The following KANK1 variants were observed in gnomAD, a reference collection of about 807,000 sequenced individuals.
KANK1 encodes the protein KN motif and ankyrin repeat domains 1.
KANK1 carries 109 observed loss-of-function variants against 106.2 expected under a neutral mutation model. The observed-to-expected ratio is 1.03, with a 90% confidence interval of 0.88 to 1.20. The LOEUF is 1.20. KANK1 is among the 50% of genes most tolerant of loss of function. The probability of loss-of-function intolerance (pLI) is 0.00; values close to 1 mark genes in which losing one functional copy is unlikely to be tolerated. For synonymous variants in KANK1, 873 were observed against 652.2 expected (o/e 1.34, Z -5.16); for missense variants, 2,399 against 1,710.7 (o/e 1.40, Z -7.10).
At chr9:487,846 C>G (rs950738121) in intron 3 of KANK1, 23 of 152,168 alleles carry the variant, frequency 1.5e-4, no homozygotes, top group African/African-American at 5.3e-4. Context: ...TCAGTGATCT[C>G]TTATTGCAGA....
chr9:705,629 C>T (rs532383203), intron 2 of KANK1, among the ~76,000 whole-genome samples: 14 of 151,412 alleles, frequency 9.2e-5, no homozygotes, highest in Non-Finnish European at 1.5e-4. Flanking sequence ...TGAAGTTTTG[C>T]TCTTGTTGCC....
chr9:516,139 A>G (rs1029640801), intron 1 of KANK1, among the ~76,000 whole-genome samples: 14 of 151,498 alleles, frequency 9.2e-5, no homozygotes, highest in Admixed American at 6.6e-5. Context: ...TAAGGTACTT[A>G]CAGGTGTTGT....
rs780453269 is a variant in KANK1 at position 730,203 on chromosome 9, TCTCCAGTG to T, written c.2852_2859del (p.Ser951Ter). On this transcript the variant is annotated frameshift_variant, in exon 4 of 12. Transcript: ENST00000382297. LOFTEE classifies it high-confidence loss of function. ...CTTCCCCACTCAGGAAGGTACGCTG[TCTCCAGTG>T]AACCTGACAGACGACCAGATCGCCG... is the stretch of plus-strand genomic sequence containing the variant. 2.5e-6 allele frequency: 4 copies of T among 1,614,148 alleles called. No individual in the cohort carries two copies. The Admixed American group carries it at 5.0e-5, about 20-fold the overall frequency.
At chr9:725,045 T>C (rs557130125) in intron 3 of KANK1, among the ~76,000 whole-genome samples, 17 of 152,246 alleles carry the variant, frequency 1.1e-4, no homozygotes, top group Admixed American at 6.5e-4. Flanking sequence ...GTATTGTGTG[T>C]ATGTGTGTTG....
intron 2 of KANK1, among the ~76,000 whole-genome samples, chr9:680,585 C>G (rs10975803): frequency 6.6e-6 from 1 of 152,078 alleles, no homozygotes; most frequent in Non-Finnish European, 1.5e-5. Flanking sequence ...GCACCTACTA[C>G]GTGCTGTTTT....
At chr9:555,659 C>T (rs1465864710) in intron 1 of KANK1, among the ~76,000 whole-genome samples, 1 of 152,114 alleles carries the variant, frequency 6.6e-6, no homozygotes, top group African/African-American at 2.4e-5. Context: ...GAGATGAAAT[C>T]ACAGAGGTTG....
chr9:524,559 C>G (rs1029340921), intron 1 of KANK1, among the ~76,000 whole-genome samples: 1 of 151,632 alleles, frequency 6.6e-6, no homozygotes, highest in Admixed American at 6.6e-5. Flanking sequence ...GGCCTGTCAC[C>G]CAGGCTGAAG....
At chr9:563,761 A>G (rs940875292) in intron 1 of KANK1, among the ~76,000 whole-genome samples, 1 of 152,144 alleles carries the variant, frequency 6.6e-6, no homozygotes, top group Non-Finnish European at 1.5e-5. Context: ...TGGTTCAGAA[A>G]TGTTTAGGGA....
chr9:558,370 C>G (rs752544431), intron 1 of KANK1, among the ~76,000 whole-genome samples: 1 of 152,200 alleles, frequency 6.6e-6, no homozygotes, highest in African/African-American at 2.4e-5. Context: ...AGCCATTGCT[C>G]CTAGGGGAAC....
At chr9:690,133 C>CAAAAAAACAAAA (rs1819532609) in intron 2 of KANK1, among the ~76,000 whole-genome samples, 1 of 61,644 alleles carries the variant, frequency 1.6e-5, no homozygotes, top group Non-Finnish European at 2.7e-5. Context: ...TCTAAAAATA[C>CAAAAAAACAAAA]AAAAAAAAAA....
intron 1 of KANK1, among the ~76,000 whole-genome samples, chr9:573,364 G>T (rs1403046172): frequency 6.6e-6 from 1 of 152,206 alleles, no homozygotes; most frequent in East Asian, 1.9e-4. Flanking sequence ...CCACCTCCTG[G>T]GTTCACGCCA....
intron 1 of KANK1, among the ~76,000 whole-genome samples, chr9:522,206 T>A (rs551087960): frequency 6.6e-6 from 1 of 151,998 alleles, no homozygotes; most frequent in South Asian, 2.1e-4. Flanking sequence ...CATTTTACGA[T>A]TCTGTTTTCC....
At position 680,181 on chromosome 9, in the gene KANK1, G is replaced by A. The variant is rs183293393; in HGVS notation, c.37+3172G>A. On this transcript the variant is annotated intron_variant, in intron 2 of 11. Transcript: ENST00000382297. The stretch of plus-strand genomic sequence containing the variant: ...AGCATGAGGGGAAATTTCATGTGAC[G>A]ATGGAGTCAGGGCAGTGGCAAAAGA... Among the ~76,000 whole-genome samples, 11 of 152,270 alleles carry A rather than the reference G, an allele frequency of 7.2e-5. No homozygotes were observed. The East Asian group carries it at 1.7e-3, about 24-fold the overall frequency.
intron 3 of KANK1, among the ~76,000 whole-genome samples, chr9:725,197 C>G (rs1024275647): frequency 2.0e-5 from 3 of 152,100 alleles, no homozygotes; most frequent in African/African-American, 7.2e-5. Flanking sequence ...AGCTCTGTGG[C>G]CTGGGGCAAG....
chr9:622,687 A>G (rs1049127120), intron 1 of KANK1, among the ~76,000 whole-genome samples: 6 of 152,020 alleles, frequency 3.9e-5, no homozygotes, highest in African/African-American at 1.5e-4. Context: ...GCGGATCACA[A>G]GGTCAGGAGT....
At chr9:648,292 A>G (rs10815427) in intron 1 of KANK1, among the ~76,000 whole-genome samples, 66,933 of 151,518 alleles carry the variant, frequency 0.44, 18,114 homozygotes, top group African/African-American at 0.75. Flanking sequence ...GTGAGCCACC[A>G]CGCCTGGCCA....
At chr9:660,319 G>A (rs576875776) in intron 1 of KANK1, 28 of 219,394 alleles carry the variant, frequency 1.3e-4, no homozygotes, top group Non-Finnish European at 2.4e-4. Context: ...AATGTTCATG[G>A]GTTTTAACTG....
Position 738,396 on chromosome 9 carries a change from G to T in KANK1, c.3445G>T (p.Asp1149Tyr), listed in dbSNP as rs551729799. The change falls in exon 8 of 12, where the codon GAT (aspartate) becomes TAT (tyrosine). Residue 1149 changes from aspartate (D) to tyrosine (Y), a missense_variant. Asp to Tyr is a radical substitution (Grantham distance 160). Coordinates refer to ENST00000382297, the MANE Select transcript of KANK1 (RefSeq NM_015158.5). Reference sequence around the variant, plus strand: ...AGCTGCTTTTGAGGCCATTTCCCCAGATGTCCTCCGCTATGTCATCAACTT... The same window carrying T: ...AGCTGCTTTTGAGGCCATTTCCCCATATGTCCTCCGCTATGTCATCAACTT... ...YIAAFEAISP[D>Y]VLRYVINLAD... is the part of the protein sequence containing the mutation. 3.8e-5 allele frequency: 61 copies of T among 1,614,028 alleles called. No individual in the cohort carries two copies. The South Asian group carries it at 6.7e-4, about 18-fold the overall frequency.
chr9:641,023 G>T (rs777758095), intron 1 of KANK1, among the ~76,000 whole-genome samples: 2 of 152,160 alleles, frequency 1.3e-5, no homozygotes, highest in Non-Finnish European at 2.9e-5. Flanking sequence ...GTGTTGCAGT[G>T]AAATTTTAAA....
Sources: allele counts gnomAD v4.1 joint callset (sites outside exome capture counted in the v4.1 genomes callset), GRCh38; gene constraint gnomAD v4.1.1; transcripts MANE v1.5; gene names NCBI Gene and HGNC (gene_info 2026-07-23, HGNC 2026-07-21).